Variants in LTBP2 observed in about 807,000 individuals in gnomAD.
LTBP2 encodes latent-transforming growth factor beta-binding protein 2.
LTBP2 carries 103 observed loss-of-function variants against 210.6 expected under a neutral mutation model. The observed-to-expected ratio is 0.49, with a 90% confidence interval of 0.42 to 0.58. The LOEUF is 0.58. Ranked by LOEUF, LTBP2 falls within the 20% of genes least tolerant of loss-of-function variation. LTBP2 has a pLI of 0.00. For missense variants in LTBP2, 2,313 were observed against 2,494.5 expected, an observed-to-expected ratio of 0.93 and a Z score of 1.55; for synonymous variants, 1,007 against 1,015.0, an observed-to-expected ratio of 0.99 and a Z score of 0.15.
chr14:74,588,515 G>A (rs902154225), intron 2 of LTBP2, among the ~76,000 whole-genome samples: 2 of 152,106 alleles, frequency 1.3e-5, no homozygotes, highest in Non-Finnish European at 2.9e-5. Context: ...GCCGCCGCAC[G>A]AGGCCGCTGC....
chr14:74,549,897 C>A lies in LTBP2; in HGVS notation c.1755G>T (p.Gly585=). 6.2e-7 allele frequency: 1 copy of A among 1,614,112 alleles called. No individual in the cohort carries two copies. The highest frequency in any genetic ancestry group is 8.5e-7 in the Non-Finnish European group (1 of 1,180,004). The change falls in exon 8 of 36, where the codon GGG becomes GGT. Residue 585 remains glycine (G), a synonymous_variant. Transcript: ENST00000261978. ...DCCGSVGAFW[G]VTLCAPCPPR... Reference sequence around the variant, plus strand: ...GTGGGCATGGGGCACACAAAGTCACCCCCCAGAAGGCTCCCACACTGCCAC... The same window carrying A: ...GTGGGCATGGGGCACACAAAGTCACACCCCAGAAGGCTCCCACACTGCCAC...
chr14:74,499,034 G>A lies in LTBP2; in HGVS notation c.*1850C>T. ...TAGAAGTGGAAACTACTGGATCAAA[G>A]AGTTAGTGCTTTTATAATTTTGAAG... On this transcript the variant is annotated 3_prime_UTR_variant, in exon 36 of 36. Coordinates refer to ENST00000261978, the MANE Select transcript of LTBP2 (RefSeq NM_000428.3). 1 of 219,266 alleles carries A rather than the reference G, an allele frequency of 4.6e-6. No individual in the cohort carries two copies. The highest frequency in any genetic ancestry group is 9.2e-6 in the Non-Finnish European group (1 of 109,240). The allele number at this position is 219,266 out of a possible 1,614,324, so 13.6% of individuals were successfully genotyped here.
intron 10 of LTBP2, among the ~76,000 whole-genome samples, chr14:74,531,694 C>A (rs2087352675): frequency 6.6e-6 from 1 of 152,238 alleles, no homozygotes; most frequent in African/African-American, 2.4e-5. Flanking sequence ...CTGGGCGTGG[C>A]CCATCCAACC....
Position 74,508,071 on chromosome 14 carries a change from T to G in LTBP2, c.3677A>C (p.Asp1226Ala). The G allele has an allele frequency of 1.2e-6, 2 of 1,613,786 alleles. No homozygotes were observed. The highest frequency in any genetic ancestry group is 1.7e-6 in the Non-Finnish European group (2 of 1,180,002). ...CQDVDECATT[D>A]PCVGGHCVNT... is the part of the protein sequence containing the mutation. The stretch of plus-strand genomic sequence containing the variant: ...GACACAGTGCCCTCCCACACACGGG[T>G]CTGTGGTGGCACACTCGTCCACATC... The change falls in exon 25 of 36, where the codon GAC (aspartate) becomes GCC (alanine). Residue 1226 changes from aspartate to alanine, a missense_variant. Coordinates refer to ENST00000261978, the MANE Select transcript of LTBP2 (RefSeq NM_000428.3).
chr14:74,552,352 C>A lies in LTBP2; in HGVS notation c.1234G>T (p.Gly412Cys). ...GCGGGGCACCAGCATTCGTCCCTGCCGATGCAGCGGCCTCCGTTCAGGCAG... is the reference window on the plus strand; with the variant it reads ...GCGGGGCACCAGCATTCGTCCCTGCAGATGCAGCGGCCTCCGTTCAGGCAG... ...IPCLNGGRCI[G>C]RDECWCPANS... is the part of the protein sequence containing the mutation. The change falls in exon 6 of 36, where the codon GGC (glycine) becomes TGC (cysteine). Residue 412 changes from glycine (G) to cysteine (C), a missense_variant. Physicochemically the swap from Gly to Cys is radical, Grantham distance 159. Transcript: ENST00000261978. 1 of 1,611,626 alleles carries A rather than the reference C, an allele frequency of 6.2e-7. No homozygotes were observed. The highest frequency in any genetic ancestry group is 8.5e-7 in the Non-Finnish European group (1 of 1,180,020).
chr14:74,534,815 CCACATA>C (rs2087398491), intron 9 of LTBP2, among the ~76,000 whole-genome samples: 1 of 152,010 alleles, frequency 6.6e-6, no homozygotes, highest in Non-Finnish European at 1.5e-5. Context: ...GAGACCACAG[CCACATA>C]CATGGGAAGG....
chr14:74,585,509 G>A (rs1318409885), intron 3 of LTBP2, among the ~76,000 whole-genome samples: 3 of 152,190 alleles, frequency 2.0e-5, no homozygotes, highest in Non-Finnish European at 4.4e-5. Context: ...TAAGTGACTC[G>A]CCTGGGGTGG....
At chr14:74,552,107 C>T in intron 6 of LTBP2, 80 bp downstream of exon 6, 1 of 1,366,250 alleles carries the variant, frequency 7.3e-7, no homozygotes, top group Non-Finnish European at 1.0e-6. Flanking sequence ...TTCCCTATCC[C>T]TGTCACAGCC....
chr14:74,564,337 A>T (rs866390186), intron 3 of LTBP2, among the ~76,000 whole-genome samples: 2 of 8,600 alleles, frequency 2.3e-4, no homozygotes, highest in Non-Finnish European at 4.6e-4. Flanking sequence ...ATATTTATAT[A>T]TATATATTTA....
At position 74,504,780 on chromosome 14, in the gene LTBP2, G is replaced by A. The variant is rs1478861141; in HGVS notation, c.4451C>T (p.Thr1484Ile). The change falls in exon 30 of 36, where the codon ACA (threonine) becomes ATA (isoleucine). Residue 1484 changes from threonine to isoleucine, a missense_variant and splice_region_variant. Physicochemically the swap from Thr to Ile is moderately conservative, Grantham distance 89. This residue lies in a region of LTBP2 where 443 missense variants were observed against 501.4 expected (regional missense o/e 0.88). Coordinates refer to ENST00000261978, the MANE Select transcript of LTBP2 (RefSeq NM_000428.3). ...GGGCAGAGGATGGAGCAGATTACCT[G>A]TGTACATGGTCTGTCCAAACGTCCA... ...GAWTFGQTMY[T>I]DADECVIFGP... The A allele has an allele frequency of 6.2e-7, 1 of 1,614,066 alleles. No homozygotes were observed. Among genetic ancestry groups the A allele is most frequent in the South Asian group, 1.1e-5 (1 of 91,082 alleles).
intron 3 of LTBP2, among the ~76,000 whole-genome samples, chr14:74,556,408 A>G (rs1315717183): frequency 6.6e-6 from 1 of 152,228 alleles, no homozygotes; most frequent in East Asian, 1.9e-4. Flanking sequence ...ACACAATTCA[A>G]TTTGTCATAT....
intron 25 of LTBP2, 104 bp downstream of exon 25, chr14:74,507,869 C>T (rs2087010922): frequency 2.0e-6 from 3 of 1,512,128 alleles, no homozygotes; most frequent in Admixed American, 3.4e-5. Context: ...TTGTTGGACA[C>T]TTCATCTGTG....
At chr14:74,564,331 TTATATATATATATTTATATATATTTA>T (rs2087868196) in intron 3 of LTBP2, among the ~76,000 whole-genome samples, 1 of 5,022 alleles carries the variant, frequency 2.0e-4, no homozygotes, top group Non-Finnish European at 3.3e-4. Flanking sequence ...ATATATATAT[TTATATATATATATTTATATATATTTA>T]TATATATATT....
At chr14:74,536,964 T>G (rs188463792) in intron 8 of LTBP2, among the ~76,000 whole-genome samples, 1 of 152,196 alleles carries the variant, frequency 6.6e-6, no homozygotes, top group African/African-American at 2.4e-5. Context: ...TTATTACATA[T>G]AGTATCTACT....
At chr14:74,511,557 G>A (rs567602695) in intron 18 of LTBP2, among the ~76,000 whole-genome samples, 193 bp from the exon 19 acceptor site, 1 of 152,330 alleles carries the variant, frequency 6.6e-6, no homozygotes, top group Middle Eastern at 3.4e-3. Context: ...AGAGGGAGAT[G>A]GAAGAACTTA....
intron 8 of LTBP2, among the ~76,000 whole-genome samples, chr14:74,542,343 A>C (rs1157945115): frequency 6.6e-6 from 1 of 152,164 alleles, no homozygotes; most frequent in Non-Finnish European, 1.5e-5. Context: ...TGGGACTCCC[A>C]AGGAGGCCTC....
chr14:74,526,662 G>A (rs1263627099), intron 13 of LTBP2, among the ~76,000 whole-genome samples: 1 of 152,198 alleles, frequency 6.6e-6, no homozygotes, highest in Non-Finnish European at 1.5e-5. Flanking sequence ...TGGCCTGGGG[G>A]GACATCATAT....
intron 1 of LTBP2, among the ~76,000 whole-genome samples, chr14:74,608,654 G>C (rs1033444756): frequency 7.0e-6 from 1 of 142,790 alleles, no homozygotes; most frequent in African/African-American, 2.6e-5. Context: ...AGGTTGTAGT[G>C]AACCGAAATA....
intron 8 of LTBP2, among the ~76,000 whole-genome samples, chr14:74,537,454 T>C (rs982182222): frequency 6.6e-6 from 1 of 152,220 alleles, no homozygotes; most frequent in Non-Finnish European, 1.5e-5. Context: ...AAATATACCA[T>C]GATATTTCAA....
Sources: gnomAD v4.1 joint callset for allele counts (sites outside exome capture counted in the v4.1 genomes callset) on GRCh38, gnomAD v4.1.1 for gene constraint, gnomAD v4.1.1 regional missense constraint, MANE v1.5 for transcripts, NCBI Gene and HGNC (gene_info 2026-07-23, HGNC 2026-07-21) for gene names.